ARHGAP42: variants seen among roughly 807,000 people sequenced by gnomAD.
The protein encoded by ARHGAP42 is rho GTPase-activating protein 42.
In ARHGAP42, 63 loss-of-function variants were observed where a neutral mutation model predicts 125.0. That is an observed-to-expected ratio of 0.50 (90% CI 0.41 to 0.62). The LOEUF (loss-of-function observed/expected upper bound fraction) is 0.62, where lower values mean the gene tolerates loss of function less well. Ranked by LOEUF, ARHGAP42 falls within the 20% of genes least tolerant of loss-of-function variation. ARHGAP42 has a pLI of 0.00. For synonymous variants in ARHGAP42, 339 were observed against 351.0 expected (o/e 0.97, Z 0.38); for missense variants, 766 against 1,024.2 (o/e 0.75, Z 3.44).
chr11:100,961,212 G>T (rs1223539770), intron 14 of ARHGAP42, among the ~76,000 whole-genome samples: 1 of 152,084 alleles, frequency 6.6e-6, no homozygotes, highest in Non-Finnish European at 1.5e-5. Flanking sequence ...CCTTTGGTAA[G>T]CTAGAGATAC....
At position 100,769,934 on chromosome 11, in the gene ARHGAP42, G is replaced by A. The variant is rs117582478; in HGVS notation, c.155-409G>A. 8.4e-4 allele frequency among the ~76,000 whole-genome samples: 128 copies of A among 151,840 alleles called. No individual in the cohort carries two copies. In the East Asian group the frequency reaches 0.021, roughly 25 times the overall value. On this transcript the variant is annotated intron_variant, in intron 1 of 23. Transcript: ENST00000298815. The stretch of plus-strand genomic sequence containing the variant: ...GGTGCAGCAAACCACTATAACACAC[G>A]TTTACCTATGTAACAAAACTGCACA...
chr11:100,719,793 C>T (rs987219161), intron 1 of ARHGAP42, among the ~76,000 whole-genome samples: 5 of 152,166 alleles, frequency 3.3e-5, no homozygotes, highest in Admixed American at 3.3e-4. Context: ...TGTTGTTTTA[C>T]ATGGAAGAAA....
chr11:100,892,849 T>A (rs1050113846), intron 4 of ARHGAP42, among the ~76,000 whole-genome samples: 5 of 152,182 alleles, frequency 3.3e-5, no homozygotes, highest in Non-Finnish European at 7.3e-5. Context: ...TGACTACAAG[T>A]ATAACCCGAT....
chr11:100,832,857 C>A (rs1183225345), intron 3 of ARHGAP42, among the ~76,000 whole-genome samples: 2 of 152,154 alleles, frequency 1.3e-5, no homozygotes, highest in African/African-American at 2.4e-5. Flanking sequence ...AAAGGCTGAA[C>A]CTGAATCCAA....
intron 3 of ARHGAP42, among the ~76,000 whole-genome samples, chr11:100,819,956 A>G (rs556648506): frequency 2.0e-5 from 3 of 152,264 alleles, no homozygotes; most frequent in South Asian, 2.1e-4. Flanking sequence ...TTCATTTTGC[A>G]TATTAATTTT....
chr11:100,751,773 CTTTTTTTTT>C (rs757372755), intron 1 of ARHGAP42, among the ~76,000 whole-genome samples: 2 of 84,356 alleles, frequency 2.4e-5, no homozygotes, highest in African/African-American at 4.9e-5. Flanking sequence ...AGACAGGCAC[CTTTTTTTTT>C]TTTTTTTTTT....
intron 1 of ARHGAP42, among the ~76,000 whole-genome samples, chr11:100,744,731 A>T (rs1468118539): frequency 6.6e-6 from 1 of 152,130 alleles, no homozygotes; most frequent in Admixed American, 6.5e-5. Flanking sequence ...GCTTTCTCAG[A>T]TACTGGTTGT....
chr11:100,893,337 T>C (rs12286700), intron 4 of ARHGAP42, among the ~76,000 whole-genome samples: 13,784 of 152,198 alleles, frequency 0.091, 889 homozygotes, highest in Non-Finnish European at 0.13. Flanking sequence ...ATTTGAAGTA[T>C]AGGAAAGAAC....
chr11:100,727,714 G>T (rs555373405), intron 1 of ARHGAP42, among the ~76,000 whole-genome samples: 1 of 152,278 alleles, frequency 6.6e-6, no homozygotes, highest in South Asian at 2.1e-4. Flanking sequence ...GGACTCTTCT[G>T]GAGCTCACCC....
intron 1 of ARHGAP42, among the ~76,000 whole-genome samples, chr11:100,699,477 CATGTAT>C (rs1199150795): frequency 4.5e-4 from 24 of 53,456 alleles, no homozygotes; most frequent in Middle Eastern, 0.014. Context: ...CAAATTTATT[CATGTAT>C]ATATATATAT....
chr11:100,729,377 A>G (rs2120299438), intron 1 of ARHGAP42, among the ~76,000 whole-genome samples: 1 of 152,196 alleles, frequency 6.6e-6, no homozygotes, highest in Admixed American at 6.5e-5. Context: ...GTAGATCACA[A>G]AGTTGAAAAT....
At chr11:100,742,993 A>G (rs370023965) in intron 1 of ARHGAP42, among the ~76,000 whole-genome samples, 1 of 152,126 alleles carries the variant, frequency 6.6e-6, no homozygotes, top group Non-Finnish European at 1.5e-5. Context: ...AAGACAGCAG[A>G]TATTTTTGGT....
In ARHGAP42 at chr11:100,992,587, C is replaced by T. The variant is rs768609521; in HGVS notation, c.*3786C>T. On this transcript the variant is annotated 3_prime_UTR_variant, in exon 24 of 24. Coordinates refer to ENST00000298815, the MANE Select transcript of ARHGAP42 (RefSeq NM_152432.4). ...ATATCGAGTATTCATCAACTGGTCTCAATTTCCTGAACACATTCACTGTAT... is the reference window on the plus strand; with the variant it reads ...ATATCGAGTATTCATCAACTGGTCTTAATTTCCTGAACACATTCACTGTAT... The T allele has an allele frequency of 1.2e-6, 2 of 1,613,980 alleles. No individual in the cohort carries two copies.
At chr11:100,834,393 A>G (rs909444481) in intron 3 of ARHGAP42, among the ~76,000 whole-genome samples, 1 of 152,120 alleles carries the variant, frequency 6.6e-6, no homozygotes, top group African/African-American at 2.4e-5. Context: ...CTTTTGATCC[A>G]TGCAGTGTAA....
intron 4 of ARHGAP42, among the ~76,000 whole-genome samples, chr11:100,884,904 T>C (rs946117932): frequency 1.3e-5 from 2 of 152,174 alleles, no homozygotes; most frequent in African/African-American, 4.8e-5. Flanking sequence ...GTGAGGGTCC[T>C]TGCAGATTTA....
chr11:100,907,903 A>G (rs1046226474), intron 4 of ARHGAP42, among the ~76,000 whole-genome samples: 2 of 152,196 alleles, frequency 1.3e-5, no homozygotes, highest in South Asian at 4.1e-4. Flanking sequence ...ATTGGTTTTT[A>G]CTATTACTTA....
intron 22 of ARHGAP42, among the ~76,000 whole-genome samples, chr11:100,986,904 G>T (rs1197826845): frequency 6.6e-6 from 1 of 151,950 alleles, no homozygotes; most frequent in Non-Finnish European, 1.5e-5. Flanking sequence ...AGTGACAGAG[G>T]TTGGGAGCTG....
At chr11:100,858,891 T>C (rs1192903004) in intron 3 of ARHGAP42, among the ~76,000 whole-genome samples, 1 of 152,086 alleles carries the variant, frequency 6.6e-6, no homozygotes, top group African/African-American at 2.4e-5. Context: ...ATTCAGTTGC[T>C]TGTCTTCATA....
intron 17 of ARHGAP42, among the ~76,000 whole-genome samples, chr11:100,970,604 T>C (rs1302655529): frequency 6.6e-6 from 1 of 152,030 alleles, no homozygotes; most frequent in Non-Finnish European, 1.5e-5. Flanking sequence ...CAAACAGTCT[T>C]TGAGATTTGT....
Sources: allele counts gnomAD v4.1 joint callset (sites outside exome capture counted in the v4.1 genomes callset), GRCh38; gene constraint gnomAD v4.1.1; transcripts MANE v1.5; gene names NCBI Gene and HGNC (gene_info 2026-07-23, HGNC 2026-07-21).